KLHL32: variants seen among roughly 807,000 people sequenced by gnomAD.
KLHL32 encodes the protein kelch-like protein 32.
In KLHL32, 35 loss-of-function variants were observed where a neutral mutation model predicts 64.8. The observed-to-expected ratio is 0.54, with a 90% CI of 0.41 to 0.72. The LOEUF is 0.72. KLHL32 is among the 30% of genes least tolerant of loss of function. The pLI is 0.00. For synonymous variants in KLHL32, 259 were observed against 281.0 expected, an observed-to-expected ratio of 0.92 and a Z score of 0.78; for missense variants, 589 against 768.5, an observed-to-expected ratio of 0.77 and a Z score of 2.76.
chr6:96,975,408 G>A (rs7454579), intron 2 of KLHL32, among the ~76,000 whole-genome samples: 2 of 152,082 alleles, frequency 1.3e-5, no homozygotes, highest in Non-Finnish European at 2.9e-5. Context: ...CACAATTTCC[G>A]AAGTTTAATA....
intron 7 of KLHL32, among the ~76,000 whole-genome samples, chr6:97,123,060 C>T (rs569922659): frequency 2.6e-5 from 4 of 152,278 alleles, no homozygotes; most frequent in Admixed American, 6.5e-5. Flanking sequence ...CACTGCATTA[C>T]GACCCATAGA....
At chr6:97,085,039 T>C (rs1245152711) in intron 5 of KLHL32, 87 bp from the exon 6 acceptor site, 11 of 1,128,846 alleles carry the variant, frequency 9.7e-6, no homozygotes, top group African/African-American at 1.5e-5. Flanking sequence ...GATGAAAACC[T>C]TAGTGAGTCA....
At chr6:97,058,012 TTATTA>T (rs1788290496) in intron 4 of KLHL32, among the ~76,000 whole-genome samples, 1 of 152,192 alleles carries the variant, frequency 6.6e-6, no homozygotes, top group Non-Finnish European at 1.5e-5. Context: ...TTATCCATTA[TTATTA>T]TATTATCTAT....
Position 97,000,948 on chromosome 6 carries a change from A to C in KLHL32, c.204+24771A>C, listed in dbSNP as rs1032065862. 2.0e-5 allele frequency among the ~76,000 whole-genome samples: 3 copies of C among 152,240 alleles called. No individual in the cohort carries two copies. In the South Asian group the frequency reaches 6.2e-4, roughly 32 times the overall value. ...CCAGTCTAAAAAGACTATCTATTCT[A>C]TGAATCCAACTATATGACATTCTGG... On this transcript the variant is annotated intron_variant, in intron 3 of 10. Transcript: ENST00000369261.
chr6:97,065,286 A>G (rs1789561991), intron 5 of KLHL32, among the ~76,000 whole-genome samples: 1 of 152,204 alleles, frequency 6.6e-6, no homozygotes, highest in Non-Finnish European at 1.5e-5. Context: ...CCGAACACCA[A>G]GCACTGACTG....
At chr6:96,976,266 A>C (rs532538699) in intron 3 of KLHL32, 89 bp downstream of exon 3, 82 of 1,247,642 alleles carry the variant, frequency 6.6e-5, no homozygotes, top group Middle Eastern at 2.8e-4. Context: ...GGAGCCAATT[A>C]GGTGGTACCC....
intron 3 of KLHL32, among the ~76,000 whole-genome samples, chr6:97,000,846 G>A (rs943700272): frequency 6.6e-6 from 1 of 152,182 alleles, no homozygotes; most frequent in African/African-American, 2.4e-5. Context: ...ATATTAGTCT[G>A]TAATAAAAAG....
rs17057455 is a variant in KLHL32, at chr6:97,129,377, A to G, written c.1414-1380A>G. On this transcript the variant is annotated intron_variant, in intron 8 of 10. Coordinates refer to ENST00000369261, the MANE Select transcript of KLHL32 (RefSeq NM_052904.4). ...GTATGCTTAGTGTTTATGTAGAAAG[A>G]AAACTGTTAGGGTTATTTACCTGTC... Among the ~76,000 whole-genome samples the G allele has an allele frequency of 9.7e-3, 1,478 of 152,306 alleles. 24 individuals are homozygous for G. The highest frequency in any genetic ancestry group is 0.033 in the African/African-American group (1,353 of 41,564).
At chr6:97,017,216 T>G (rs534434089) in intron 3 of KLHL32, among the ~76,000 whole-genome samples, 1 of 152,362 alleles carries the variant, frequency 6.6e-6, no homozygotes, top group Admixed American at 6.5e-5. Flanking sequence ...CTGGATGAGT[T>G]ATCCCATGCC....
At chr6:97,025,890 G>A (rs1782657432) in intron 3 of KLHL32, among the ~76,000 whole-genome samples, 1 of 152,146 alleles carries the variant, frequency 6.6e-6, no homozygotes, top group Admixed American at 6.5e-5. Flanking sequence ...CACAGGGCCT[G>A]CCACATGGTA....
At position 97,085,320 on chromosome 6, in the gene KLHL32, G is replaced by A. The variant is rs761487077; in HGVS notation, c.606G>A (p.Leu202=). ...EVLKSDRLTS[L]SEEQIWQLAV... Reference sequence around the variant, plus strand: ...TGAAGAGCGACCGCCTGACCTCCCTGAGTGAAGAGCAGATCTGGCAGGTAA... The same window carrying A: ...TGAAGAGCGACCGCCTGACCTCCCTAAGTGAAGAGCAGATCTGGCAGGTAA... Residue 202 remains leucine, a synonymous_variant, in exon 6 of 11, where the codon CTG becomes CTA. Transcript: ENST00000369261. The A allele has an allele frequency of 7.4e-6, 12 of 1,612,798 alleles. No homozygotes were observed. The South Asian group carries it at 1.3e-4, about 18-fold the overall frequency.
At chr6:97,051,773 G>A (rs773231847) in intron 4 of KLHL32, among the ~76,000 whole-genome samples, 1 of 152,094 alleles carries the variant, frequency 6.6e-6, no homozygotes, top group Non-Finnish European at 1.5e-5. Context: ...GGGAGTCTTG[G>A]TTAGTTCCTT....
chr6:96,956,215 TC>T (rs1053866575), intron 1 of KLHL32, among the ~76,000 whole-genome samples: 15 of 152,144 alleles, frequency 9.9e-5, no homozygotes, highest in African/African-American at 3.4e-4. Context: ...ACTGGGTCCT[TC>T]CCACAACACT....
intron 5 of KLHL32, among the ~76,000 whole-genome samples, chr6:97,078,664 A>G (rs903528363): frequency 1.8e-4 from 27 of 152,308 alleles, no homozygotes; most frequent in African/African-American, 6.3e-4. Flanking sequence ...TTCACACGTC[A>G]GTGGCATTCT....
chr6:96,957,966 A>C (rs542789827), intron 1 of KLHL32, among the ~76,000 whole-genome samples: 6 of 152,334 alleles, frequency 3.9e-5, no homozygotes, highest in African/African-American at 1.4e-4. Context: ...TTGTACTTTT[A>C]CTTTATCTGC....
chr6:97,037,691 A>G (rs1186212612), intron 3 of KLHL32, among the ~76,000 whole-genome samples: 2 of 152,310 alleles, frequency 1.3e-5, no homozygotes, highest in Admixed American at 6.5e-5. Context: ...TTAAATATAA[A>G]TGGAACCACA....
chr6:96,913,357 C>T, the KLHL32 span, among the ~76,000 whole-genome samples: 11 of 152,276 alleles, frequency 7.2e-5, no homozygotes, highest in African/African-American at 2.2e-4. Flanking sequence ...GTCTTTGAAA[C>T]GTAATGTAGG....
intron 1 of KLHL32, among the ~76,000 whole-genome samples, chr6:96,946,780 C>T (rs573312309): frequency 1.3e-4 from 20 of 152,206 alleles, no homozygotes; most frequent in African/African-American, 4.6e-4. Context: ...TCCCATCTTT[C>T]CCTTTACTAT....
chr6:96,904,088 C>A, the KLHL32 span, among the ~76,000 whole-genome samples: 1 of 151,956 alleles, frequency 6.6e-6, no homozygotes, highest in African/African-American at 2.4e-5. Flanking sequence ...CACCCGTAAT[C>A]CCAGCACTTT....
Sources: allele counts gnomAD v4.1 joint callset (sites outside exome capture counted in the v4.1 genomes callset), GRCh38; gene constraint gnomAD v4.1.1; transcripts MANE v1.5; gene names NCBI Gene and HGNC (gene_info 2026-07-23, HGNC 2026-07-21).